NEGR1: variants seen among roughly 807,000 people sequenced by gnomAD.
The protein encoded by NEGR1 is IgLON family member 4.
In NEGR1, 10 loss-of-function variants were observed where a neutral mutation model predicts 40.9. That is an observed-to-expected ratio of 0.24 (90% CI 0.15 to 0.42). The LOEUF (loss-of-function observed/expected upper bound fraction) is 0.42, where lower values mean the gene tolerates loss of function less well. Ranked by LOEUF, NEGR1 falls within the 10% of genes least tolerant of loss-of-function variation. The pLI is 1.00. For synonymous variants in NEGR1, 185 were observed against 166.8 expected (o/e 1.11, Z -0.84); for missense variants, 352 against 438.9 (o/e 0.80, Z 1.77).
chr1:71,934,009 T>C (rs531091198), intron 2 of NEGR1, among the ~76,000 whole-genome samples: 20 of 152,202 alleles, frequency 1.3e-4, no homozygotes, highest in East Asian at 1.9e-4. Context: ...CCTTGACTTA[T>C]TGAAGGGTAA....
chr1:72,075,930 AT>A (rs1647711880), intron 1 of NEGR1, among the ~76,000 whole-genome samples: 1 of 152,090 alleles, frequency 6.6e-6, no homozygotes, highest in African/African-American at 2.4e-5. Flanking sequence ...GTTGTTGTTG[AT>A]TTTTGCAAAT....
At chr1:72,236,146 G>A (rs1654537445) in intron 1 of NEGR1, among the ~76,000 whole-genome samples, 2 of 152,028 alleles carry the variant, frequency 1.3e-5, no homozygotes, top group African/African-American at 2.4e-5. Context: ...CATGGATGAA[G>A]CTGGAAACCA....
chr1:71,858,160 C>G (rs1659839404), intron 2 of NEGR1, among the ~76,000 whole-genome samples: 1 of 152,072 alleles, frequency 6.6e-6, no homozygotes, highest in Admixed American at 6.6e-5. Flanking sequence ...TTGACTAGTT[C>G]ATCCTTTGGG....
intron 2 of NEGR1, among the ~76,000 whole-genome samples, chr1:71,875,107 A>G (rs1428746778): frequency 6.6e-6 from 1 of 152,102 alleles, no homozygotes; most frequent in African/African-American, 2.4e-5. Flanking sequence ...TCAGCCTTTC[A>G]AAGTGCTGGG....
At chr1:72,259,783 CAAT>C (rs141984508) in intron 1 of NEGR1, among the ~76,000 whole-genome samples, 60 of 152,130 alleles carry the variant, frequency 3.9e-4, no homozygotes, top group African/African-American at 1.4e-3. Flanking sequence ...TGTTCTTTGA[CAAT>C]AATGAGGTAC....
At chr1:71,542,957 A>G (rs1304891606) in intron 6 of NEGR1, among the ~76,000 whole-genome samples, 1 of 151,748 alleles carries the variant, frequency 6.6e-6, no homozygotes, top group Non-Finnish European at 1.5e-5. Flanking sequence ...AGCAGAATGT[A>G]AGGTGAATAC....
intron 2 of NEGR1, among the ~76,000 whole-genome samples, chr1:71,789,114 G>A (rs1041810330): frequency 2.0e-5 from 3 of 152,028 alleles, no homozygotes; most frequent in South Asian, 2.1e-4. Context: ...GTTCCAGGTC[G>A]AGTTATACAC....
At chr1:71,544,040 C>G (rs544807412) in intron 6 of NEGR1, among the ~76,000 whole-genome samples, 2 of 151,752 alleles carry the variant, frequency 1.3e-5, no homozygotes, top group South Asian at 2.1e-4. Flanking sequence ...ATTGAGGCAA[C>G]TGCCAGAAAC....
At chr1:71,453,074 T>C (rs1347250577) in intron 6 of NEGR1, among the ~76,000 whole-genome samples, 1 of 152,190 alleles carries the variant, frequency 6.6e-6, no homozygotes, top group African/African-American at 2.4e-5. Context: ...TTTGGTTTTA[T>C]ATAGCATCTT....
intron 4 of NEGR1, among the ~76,000 whole-genome samples, chr1:71,640,393 C>G (rs137987717): frequency 6.6e-6 from 1 of 151,994 alleles, no homozygotes; most frequent in South Asian, 2.1e-4. Flanking sequence ...GAGTGTCAAA[C>G]GGAATTATTC....
chr1:71,808,502 G>A (rs536568437), intron 2 of NEGR1, among the ~76,000 whole-genome samples: 1 of 152,216 alleles, frequency 6.6e-6, no homozygotes, highest in African/African-American at 2.4e-5. Flanking sequence ...AGGTTAGGGA[G>A]CCTGTCAGTC....
intron 4 of NEGR1, among the ~76,000 whole-genome samples, chr1:71,652,570 T>A (rs1289794936): frequency 1.3e-5 from 2 of 152,180 alleles, no homozygotes; most frequent in Non-Finnish European, 2.9e-5. Context: ...TTTACTATTT[T>A]GCCCATTATA....
At chr1:71,435,667 T>C (rs969350649) in intron 6 of NEGR1, among the ~76,000 whole-genome samples, 4 of 152,178 alleles carry the variant, frequency 2.6e-5, no homozygotes, top group Non-Finnish European at 4.4e-5. Context: ...CTCTTATGTA[T>C]AAAGCTGCCA....
chr1:71,957,891 T>A (rs529863748), intron 1 of NEGR1, among the ~76,000 whole-genome samples: 1 of 152,346 alleles, frequency 6.6e-6, no homozygotes, highest in South Asian at 2.1e-4. Flanking sequence ...CAATATGACC[T>A]TTGCATAGTA....
chr1:71,927,004 G>C (rs1375002977), intron 2 of NEGR1, among the ~76,000 whole-genome samples: 2 of 151,864 alleles, frequency 1.3e-5, no homozygotes, highest in South Asian at 2.1e-4. Context: ...AGAATATTTA[G>C]AACAAAAAAA....
chr1:71,674,811 A>G (rs1326641455), intron 4 of NEGR1, among the ~76,000 whole-genome samples: 1 of 151,888 alleles, frequency 6.6e-6, no homozygotes, highest in African/African-American at 2.4e-5. Context: ...TGTAAAATAG[A>G]GTTTCTGTAT....
intron 1 of NEGR1, among the ~76,000 whole-genome samples, chr1:72,212,073 C>A (rs762018615): frequency 1.1e-4 from 16 of 151,922 alleles, no homozygotes; most frequent in Admixed American, 2.0e-4. Context: ...TAGATGTGTT[C>A]TGATTCCTGC....
chr1:72,273,480 T>C (rs1482946105), intron 1 of NEGR1, among the ~76,000 whole-genome samples: 1 of 151,982 alleles, frequency 6.6e-6, no homozygotes, highest in Non-Finnish European at 1.5e-5. Flanking sequence ...TGGGATCTTC[T>C]TAAAATTATA....
chr1:71,809,847 T>C (rs904629417), intron 2 of NEGR1, among the ~76,000 whole-genome samples: 1 of 152,124 alleles, frequency 6.6e-6, no homozygotes, highest in African/African-American at 2.4e-5. Flanking sequence ...ATTTAATACA[T>C]GATTTCTGAA....
Sources: allele counts gnomAD v4.1 joint callset (sites outside exome capture counted in the v4.1 genomes callset), GRCh38; gene constraint gnomAD v4.1.1; transcripts MANE v1.5; gene names NCBI Gene and HGNC (gene_info 2026-07-23, HGNC 2026-07-21).